The following GPC6 variants were observed in gnomAD, a reference collection of about 807,000 sequenced individuals.
GPC6 encodes the protein glypican-6.
GPC6 carries 14 observed loss-of-function variants against 55.2 expected under a neutral mutation model. That is an observed-to-expected ratio of 0.25 (90% CI 0.17 to 0.40). GPC6 has a LOEUF of 0.40. Ranked by LOEUF, GPC6 falls within the 10% of genes least tolerant of loss-of-function variation. The probability of loss-of-function intolerance (pLI) is 1.00; values close to 1 mark genes in which losing one functional copy is unlikely to be tolerated. For synonymous variants in GPC6, 278 were observed against 259.6 expected, an observed-to-expected ratio of 1.07 and a Z score of -0.68; for missense variants, 641 against 708.5, an observed-to-expected ratio of 0.90 and a Z score of 1.08.
intron 4 of GPC6, among the ~76,000 whole-genome samples, chr13:94,209,772 CTG>C (rs1053598039): frequency 1.3e-5 from 2 of 152,066 alleles, no homozygotes; most frequent in African/African-American, 4.8e-5. Flanking sequence ...ATTGTTGGAT[CTG>C]TGTGTGACCT....
intron 1 of GPC6, among the ~76,000 whole-genome samples, chr13:93,303,044 C>T (rs978067224): frequency 9.9e-5 from 15 of 152,260 alleles, no homozygotes; most frequent in African/African-American, 3.1e-4. Context: ...AGGGACTCTC[C>T]AGTGGGATAG....
Position 93,871,135 on chromosome 13 carries a change from C to T in GPC6, c.711+40590C>T, listed in dbSNP as rs116204469. Among the ~76,000 whole-genome samples, 301 of 151,870 alleles carry T rather than the reference C, an allele frequency of 2.0e-3. 4 individuals carry two copies. Among genetic ancestry groups the T allele is most frequent in the African/African-American group, 6.7e-3 (278 of 41,480 alleles). On this transcript the variant is annotated intron_variant, in intron 3 of 8. Transcript: ENST00000377047. Reference sequence around the variant, plus strand: ...AATAACGGGAGACACAAAGTATAGCCGACAACACATGCTCTAGCATGAGAC... The same window carrying T: ...AATAACGGGAGACACAAAGTATAGCTGACAACACATGCTCTAGCATGAGAC...
At chr13:93,315,978 G>A (rs1417447923) in intron 1 of GPC6, among the ~76,000 whole-genome samples, 1 of 151,960 alleles carries the variant, frequency 6.6e-6, no homozygotes, top group Non-Finnish European at 1.5e-5. Context: ...GCTGTCTTTT[G>A]TTCATGCTCA....
At chr13:93,935,317 G>C (rs1053214381) in intron 3 of GPC6, among the ~76,000 whole-genome samples, 1 of 151,974 alleles carries the variant, frequency 6.6e-6, no homozygotes, top group Non-Finnish European at 1.5e-5. Context: ...TCTTTATATA[G>C]GTACTTATTG....
At chr13:93,345,683 A>G (rs1880403534) in intron 1 of GPC6, among the ~76,000 whole-genome samples, 1 of 152,310 alleles carries the variant, frequency 6.6e-6, no homozygotes, top group Non-Finnish European at 1.5e-5. Context: ...TGCATGCAAT[A>G]GGGCCATTTT....
At chr13:93,369,136 C>T (rs924839064) in intron 1 of GPC6, among the ~76,000 whole-genome samples, 1 of 151,952 alleles carries the variant, frequency 6.6e-6, no homozygotes, top group South Asian at 2.1e-4. Context: ...GAAGTATGGG[C>T]TCCTCGTGTA....
At chr13:93,861,807 G>A (rs1269062388) in intron 3 of GPC6, among the ~76,000 whole-genome samples, 1 of 151,650 alleles carries the variant, frequency 6.6e-6, no homozygotes, top group Non-Finnish European at 1.5e-5. Flanking sequence ...CCTCTTTACT[G>A]GTCGAGTTAC....
At chr13:93,382,365 A>G (rs1296054987) in intron 1 of GPC6, among the ~76,000 whole-genome samples, 2 of 152,176 alleles carry the variant, frequency 1.3e-5, no homozygotes, top group African/African-American at 2.4e-5. Context: ...TCAAACTAGG[A>G]CCGCATCACT....
At chr13:93,950,367 C>G (rs1161816414) in intron 3 of GPC6, among the ~76,000 whole-genome samples, 1 of 152,102 alleles carries the variant, frequency 6.6e-6, no homozygotes, top group Non-Finnish European at 1.5e-5. Flanking sequence ...ACCTATTACT[C>G]TATTTCACTG....
At chr13:94,153,492 C>A (rs1426879405) in intron 4 of GPC6, among the ~76,000 whole-genome samples, 2 of 152,122 alleles carry the variant, frequency 1.3e-5, no homozygotes, top group Non-Finnish European at 2.9e-5. Context: ...GATCCCCTCA[C>A]CAACTCTGAA....
intron 3 of GPC6, among the ~76,000 whole-genome samples, chr13:93,860,196 C>T (rs969533598): frequency 6.6e-6 from 1 of 151,560 alleles, no homozygotes; most frequent in Non-Finnish European, 1.5e-5. Flanking sequence ...AAAAATTCAC[C>T]TCTTTGTCTT....
At chr13:93,940,930 T>C (rs1191065026) in intron 3 of GPC6, among the ~76,000 whole-genome samples, 1 of 152,238 alleles carries the variant, frequency 6.6e-6, no homozygotes, top group Non-Finnish European at 1.5e-5. Flanking sequence ...AGCTGAATGA[T>C]AGCTGTACAT....
intron 4 of GPC6, among the ~76,000 whole-genome samples, chr13:94,238,568 C>G (rs1890950915): frequency 6.6e-6 from 1 of 152,148 alleles, no homozygotes. Flanking sequence ...ACCTGGAGGA[C>G]TCAGACACAG....
intron 1 of GPC6, among the ~76,000 whole-genome samples, chr13:93,419,003 AT>A (rs1332816800): frequency 1.3e-5 from 2 of 151,198 alleles, no homozygotes; most frequent in Non-Finnish European, 3.0e-5. Context: ...CCATAGTATC[AT>A]TTTATTAATA....
intron 4 of GPC6, among the ~76,000 whole-genome samples, chr13:94,090,398 A>G (rs2138810540): frequency 6.6e-6 from 1 of 152,260 alleles, no homozygotes; most frequent in East Asian, 1.9e-4. Context: ...TTCTATTAGC[A>G]TGAGACAGTG....
chr13:94,071,583 C>T (rs1367066336), intron 4 of GPC6, among the ~76,000 whole-genome samples: 16 of 152,166 alleles, frequency 1.1e-4, no homozygotes, highest in Admixed American at 3.3e-4. Flanking sequence ...GGAACTTCAA[C>T]AGAGGTGATA....
At chr13:93,422,007 C>A (rs1250830105) in intron 1 of GPC6, among the ~76,000 whole-genome samples, 1 of 152,068 alleles carries the variant, frequency 6.6e-6, no homozygotes, top group African/African-American at 2.4e-5. Flanking sequence ...TTTTGAATCT[C>A]TTTGTTATTA....
intron 2 of GPC6, among the ~76,000 whole-genome samples, chr13:93,810,653 C>A (rs1886668518): frequency 6.6e-6 from 1 of 152,166 alleles, no homozygotes; most frequent in South Asian, 2.1e-4. Flanking sequence ...AGATCTGATT[C>A]ACCTCTTAAA....
At chr13:94,355,286 G>T (rs1878741021) in intron 6 of GPC6, among the ~76,000 whole-genome samples, 1 of 151,978 alleles carries the variant, frequency 6.6e-6, no homozygotes, top group Admixed American at 6.5e-5. Context: ...GCCTCCCAAA[G>T]TGCTGGGATT....
Sources: allele counts gnomAD v4.1 joint callset (sites outside exome capture counted in the v4.1 genomes callset), GRCh38; gene constraint gnomAD v4.1.1; transcripts MANE v1.5; gene names NCBI Gene and HGNC (gene_info 2026-07-23, HGNC 2026-07-21).